The following CCDC63 variants were observed in gnomAD, a reference collection of about 807,000 sequenced individuals.
CCDC63 encodes coiled-coil domain containing 63.
In CCDC63, 54 loss-of-function variants were observed where a neutral mutation model predicts 63.6. The ratio of observed to expected loss-of-function variants is 0.85; its 90% CI spans 0.68 to 1.07. The LOEUF is 1.07. CCDC63 is among the 50% of genes least tolerant of loss of function. The probability of loss-of-function intolerance (pLI) is 0.00; values close to 1 mark genes in which losing one functional copy is unlikely to be tolerated. For missense variants in CCDC63, 637 were observed against 689.6 expected (o/e 0.92, Z 0.86); for synonymous variants, 253 against 266.1 (o/e 0.95, Z 0.48).
At chr12:110,900,030 A>G (rs926104629) in intron 10 of CCDC63, among the ~76,000 whole-genome samples, 4 of 152,020 alleles carry the variant, frequency 2.6e-5, no homozygotes, top group African/African-American at 9.7e-5. Context: ...ACTGGCAAAC[A>G]TGGTGAAACC....
intron 5 of CCDC63, among the ~76,000 whole-genome samples, chr12:110,877,921 G>T (rs1253223307): frequency 5.9e-5 from 9 of 151,462 alleles, no homozygotes. Context: ...TGGCCAGACT[G>T]GTCTCGAACT....
intron 10 of CCDC63, among the ~76,000 whole-genome samples, chr12:110,902,883 A>C (rs2071507344): frequency 7.7e-6 from 1 of 130,618 alleles, no homozygotes; most frequent in African/African-American, 2.8e-5. Flanking sequence ...ACGCCCGGCT[A>C]ATTTTTTTTT....
intron 11 of CCDC63, 43 bp downstream of exon 11, chr12:110,904,834 C>A: frequency 6.6e-7 from 1 of 1,514,854 alleles, no homozygotes; most frequent in Non-Finnish European, 9.0e-7. Context: ...GCTAGGGAAC[C>A]TGTGCCTTCA....
At chr12:110,860,176 C>A (rs1318977200) in intron 4 of CCDC63, among the ~76,000 whole-genome samples, 1 of 152,168 alleles carries the variant, frequency 6.6e-6, no homozygotes, top group Non-Finnish European at 1.5e-5. Context: ...ACTTGGAGAG[C>A]CTGGGGCAAG....
At chr12:110,858,314 G>A (rs1322639531) in intron 3 of CCDC63, among the ~76,000 whole-genome samples, 1 of 152,092 alleles carries the variant, frequency 6.6e-6, no homozygotes, top group African/African-American at 2.4e-5. Flanking sequence ...CCATGTCTGA[G>A]TAATGGGTTT....
At chr12:110,895,456 C>A (rs1306524377) in intron 9 of CCDC63, among the ~76,000 whole-genome samples, 3 of 152,214 alleles carry the variant, frequency 2.0e-5, no homozygotes, top group Non-Finnish European at 2.9e-5. Context: ...ATGTTTCCTA[C>A]CCCCTGCTAA....
At chr12:110,862,569 T>C (rs1222364075) in intron 4 of CCDC63, among the ~76,000 whole-genome samples, 1 of 152,128 alleles carries the variant, frequency 6.6e-6, no homozygotes, top group African/African-American at 2.4e-5. Flanking sequence ...CAACTCTGAA[T>C]GTACTCATGA....
intron 10 of CCDC63, among the ~76,000 whole-genome samples, chr12:110,902,395 G>A (rs548811757): frequency 1.3e-5 from 2 of 152,160 alleles, no homozygotes; most frequent in East Asian, 1.9e-4. Flanking sequence ...TCCTCCTCTC[G>A]ATCCTTCCAA....
intron 1 of CCDC63, among the ~76,000 whole-genome samples, chr12:110,847,995 G>T (rs2070661361): frequency 6.6e-6 from 1 of 152,232 alleles, no homozygotes; most frequent in Admixed American, 6.5e-5. Context: ...AGGCCCAAGG[G>T]GCAGGAGGCC....
intron 11 of CCDC63, among the ~76,000 whole-genome samples, chr12:110,905,975 AAT>A (rs2071566425): frequency 1.7e-5 from 1 of 59,400 alleles, no homozygotes; most frequent in African/African-American, 7.7e-5. Context: ...TATTATATAA[AAT>A]ATATATTATA....
At chr12:110,854,712 T>C (rs1465336662) in intron 3 of CCDC63, among the ~76,000 whole-genome samples, 1 of 152,240 alleles carries the variant, frequency 6.6e-6, no homozygotes, top group African/African-American at 2.4e-5. Flanking sequence ...GCATCCATAT[T>C]GTTTATAAAG....
intron 3 of CCDC63, among the ~76,000 whole-genome samples, chr12:110,856,557 T>A (rs906619396): frequency 6.6e-6 from 1 of 152,156 alleles, no homozygotes; most frequent in East Asian, 1.9e-4. Context: ...CTATTTACAT[T>A]TGTAATTAAT....
intron 4 of CCDC63, among the ~76,000 whole-genome samples, chr12:110,872,282 T>G (rs963567627): frequency 6.6e-6 from 1 of 152,134 alleles, no homozygotes; most frequent in Non-Finnish European, 1.5e-5. Flanking sequence ...TCAATAAAAC[T>G]TTATTGACAA....
chr12:110,864,438 A>AG (rs35823300), intron 4 of CCDC63, among the ~76,000 whole-genome samples: 173 of 149,698 alleles, frequency 1.2e-3, no homozygotes, highest in Middle Eastern at 3.4e-3. Context: ...AAAAAAAAAA[A>AG]AGAGACTGGG....
In CCDC63 at chr12:110,873,887, G is replaced by C. The variant is rs375546177; in HGVS notation, c.415G>C (p.Ala139Pro). The change falls in exon 5 of 12, where the codon GCA becomes CCA. Residue 139 changes from alanine (A) to proline (P), a missense_variant. Physicochemically the swap from Ala to Pro is conservative, Grantham distance 27. Transcript: ENST00000308208. ...KKIANQKQIF[A>P]KMQEANNPRK... ...AATCGCAAACCAAAAACAGATTTTC[G>C]CAAAAATGCAGGAGGCCAATAACCC... The C allele has an allele frequency of 1.9e-6, 3 of 1,611,542 alleles. No individual in the cohort carries two copies. The highest frequency in any genetic ancestry group is 2.5e-6 in the Non-Finnish European group (3 of 1,179,214).
chr12:110,894,996 C>G (rs913824522), intron 9 of CCDC63, among the ~76,000 whole-genome samples: 2 of 152,194 alleles, frequency 1.3e-5, no homozygotes, highest in Non-Finnish European at 1.5e-5. Flanking sequence ...CTCACTGCAA[C>G]GTCCACCTCC....
At chr12:110,862,343 G>A (rs1048861906) in intron 4 of CCDC63, among the ~76,000 whole-genome samples, 2 of 152,124 alleles carry the variant, frequency 1.3e-5, no homozygotes, top group African/African-American at 2.4e-5. Context: ...GCAAAGCCTC[G>A]TCCTCACAGG....
At chr12:110,858,162 A>T (rs1291009070) in intron 3 of CCDC63, among the ~76,000 whole-genome samples, 1 of 146,280 alleles carries the variant, frequency 6.8e-6, no homozygotes, top group Admixed American at 6.8e-5. Context: ...TAAAATAAAA[A>T]ATAAAATAAA....
At chr12:110,902,922 AC>A (rs111698843) in intron 10 of CCDC63, among the ~76,000 whole-genome samples, 12,636 of 146,724 alleles carry the variant, frequency 0.086, 652 homozygotes, top group African/African-American at 0.13. Flanking sequence ...TCGCTCTGTC[AC>A]CCAGGCTGGA....
Sources: gnomAD v4.1 joint callset for allele counts (sites outside exome capture counted in the v4.1 genomes callset) on GRCh38, gnomAD v4.1.1 for gene constraint, MANE v1.5 for transcripts, NCBI Gene and HGNC (gene_info 2026-07-23, HGNC 2026-07-21) for gene names.